Variants in STK32C observed in about 807,000 individuals in gnomAD.
STK32C encodes the protein serine/threonine kinase 32C.
A neutral mutation model predicts 56.5 loss-of-function variants in STK32C; 31 were observed. The observed-to-expected ratio is 0.55, with a 90% confidence interval of 0.41 to 0.74. The LOEUF (loss-of-function observed/expected upper bound fraction) is 0.74, where lower values mean the gene tolerates loss of function less well. Ranked by LOEUF, STK32C falls within the 30% of genes least tolerant of loss-of-function variation. The pLI is 0.00. For synonymous variants in STK32C, 309 were observed against 289.4 expected, an observed-to-expected ratio of 1.07 and a Z score of -0.69; for missense variants, 544 against 676.9, an observed-to-expected ratio of 0.80 and a Z score of 2.18.
At chr10:132,273,185 C>T (rs1016002876) in intron 1 of STK32C, among the ~76,000 whole-genome samples, 2 of 152,174 alleles carry the variant, frequency 1.3e-5, no homozygotes, top group Admixed American at 6.5e-5. Context: ...AGCCTTTCCA[C>T]TGCTTTGAAT....
intron 2 of STK32C, among the ~76,000 whole-genome samples, chr10:132,242,938 C>T (rs1286064880): frequency 6.6e-6 from 1 of 152,106 alleles, no homozygotes; most frequent in Admixed American, 6.5e-5. Flanking sequence ...AACCACAGAC[C>T]GGAAAGGTCA....
chr10:132,294,403 G>A (rs949415203), intron 1 of STK32C, among the ~76,000 whole-genome samples: 7 of 152,326 alleles, frequency 4.6e-5, no homozygotes, highest in East Asian at 1.9e-4. Context: ...CAGCTCCAGC[G>A]GGTTTTGGGA....
intron 1 of STK32C, among the ~76,000 whole-genome samples, chr10:132,273,798 G>A (rs562927102): frequency 2.0e-5 from 3 of 152,154 alleles, no homozygotes; most frequent in African/African-American, 4.8e-5. Context: ...AATGCATGGT[G>A]AGTGAATGAG....
At position 132,222,941 on chromosome 10, in the gene STK32C, C is replaced by T. The variant is rs779183067; in HGVS notation, c.1039G>A (p.Val347Met). 9.0e-6 allele frequency: 14 copies of T among 1,555,316 alleles called. No individual in the cohort carries two copies. The highest frequency in any genetic ancestry group is 5.9e-5 in the South Asian group (5 of 84,958). The change falls in exon 9 of 12, where the codon GTG becomes ATG. Residue 347 changes from valine to methionine, a missense_variant. Physicochemically the swap from Val to Met is conservative, Grantham distance 21. Around this residue, in one of 3 missense-constraint regions of STK32C, gnomAD observed 277 missense variants for 309.3 expected, o/e 0.90. Coordinates refer to ENST00000298630, the MANE Select transcript of STK32C (RefSeq NM_173575.4). ...CCGGCCAGCGCCGGGGCTGCCTGCACGTCCTGGAGGCTGGAGAGCCGGTGC... is the reference window on the plus strand; with the variant it reads ...CCGGCCAGCGCCGGGGCTGCCTGCATGTCCTGGAGGCTGGAGAGCCGGTGC... ...PEHRLSSLQD[V>M]QAAPALAGVL...
chr10:132,271,733 G>C (rs981809711), intron 1 of STK32C, among the ~76,000 whole-genome samples: 27 of 152,188 alleles, frequency 1.8e-4, no homozygotes, highest in Admixed American at 2.6e-4. Context: ...ACCCGTTCCT[G>C]ACCCCAGACT....
chr10:132,215,087 T>C (rs908339425), intron 10 of STK32C, among the ~76,000 whole-genome samples: 37 of 152,182 alleles, frequency 2.4e-4, no homozygotes, highest in African/African-American at 7.2e-4. Flanking sequence ...GGCATGATCA[T>C]AGCTTACTGC....
chr10:132,275,891 G>A (rs76364366), intron 1 of STK32C, among the ~76,000 whole-genome samples: 1,893 of 152,164 alleles, frequency 0.012, 42 homozygotes, highest in African/African-American at 0.044. Context: ...GGCCTGTGTC[G>A]GGCAGGAGAC....
chr10:132,240,106 C>A (rs2063449973), intron 2 of STK32C, among the ~76,000 whole-genome samples: 1 of 152,098 alleles, frequency 6.6e-6, no homozygotes, highest in African/African-American at 2.4e-5. Flanking sequence ...GAAGCCCCCC[C>A]AGGGCAGAGC....
chr10:132,285,092 C>T (rs545071630), intron 1 of STK32C, among the ~76,000 whole-genome samples: 56 of 145,314 alleles, frequency 3.9e-4, no homozygotes, highest in Middle Eastern at 3.9e-3. Flanking sequence ...GGCATGAACC[C>T]GGAACACATT....
intron 1 of STK32C, among the ~76,000 whole-genome samples, chr10:132,256,873 G>A (rs753264466): frequency 1.3e-5 from 2 of 152,224 alleles, no homozygotes; most frequent in African/African-American, 2.4e-5. Context: ...CTGACTCGGG[G>A]TGGGGCTTGG....
At chr10:132,304,579 C>T (rs1358705070) in intron 1 of STK32C, among the ~76,000 whole-genome samples, 2 of 152,222 alleles carry the variant, frequency 1.3e-5, no homozygotes, top group South Asian at 2.1e-4. Flanking sequence ...TGTTTCTCCA[C>T]GGCTGTACCT....
intron 1 of STK32C, among the ~76,000 whole-genome samples, chr10:132,251,538 A>AC (rs1442413696): frequency 6.6e-6 from 1 of 150,796 alleles, no homozygotes; most frequent in Admixed American, 6.6e-5. Flanking sequence ...CCATCTCTTT[A>AC]CCCCACCTCG....
chr10:132,212,983 C>T (rs559370837), intron 10 of STK32C, among the ~76,000 whole-genome samples: 5 of 152,330 alleles, frequency 3.3e-5, no homozygotes, highest in African/African-American at 4.8e-5. Flanking sequence ...CGGCCGGGGC[C>T]GTGTGCAGAA....
chr10:132,210,342 C>T (rs967985762), intron 10 of STK32C, among the ~76,000 whole-genome samples: 13 of 152,346 alleles, frequency 8.5e-5, no homozygotes, highest in African/African-American at 2.4e-4. Flanking sequence ...CTGCCAACTC[C>T]GCCTCCCAGG....
upstream of STK32C, among the ~76,000 whole-genome samples, chr10:132,310,819 G>A (rs1564798611): frequency 1.3e-5 from 2 of 152,208 alleles, no homozygotes; most frequent in Non-Finnish European, 2.9e-5. This position sits in a 1 kb window ranked among gnomAD's most constrained non-coding sequence, Gnocchi z 4.6. Flanking sequence ...CTTTAGCTTG[G>A]GTAGTCCAGC....
Position 132,234,756 on chromosome 10 carries a change from T to G in STK32C, c.319-6628A>C, listed in dbSNP as rs1165955749. ...CGAGCCTGTGGCTCTCATGAGCTGCTGGGGGGGCCTTGGGGGTTGGAGGTC... is the reference window on the plus strand; with the variant it reads ...CGAGCCTGTGGCTCTCATGAGCTGCGGGGGGGGCCTTGGGGGTTGGAGGTC... On this transcript the variant is annotated intron_variant, in intron 2 of 11. Transcript: ENST00000298630. Among the ~76,000 whole-genome samples the G allele has an allele frequency of 5.3e-5, 8 of 152,248 alleles. No homozygotes were observed. In the East Asian group the frequency reaches 1.5e-3, roughly 29 times the overall value.
intron 1 of STK32C, among the ~76,000 whole-genome samples, chr10:132,297,230 T>C (rs1341670598): frequency 1.3e-5 from 2 of 152,162 alleles, no homozygotes; most frequent in Non-Finnish European, 2.9e-5. Flanking sequence ...CCACACCCTC[T>C]GCAGGACATG....
At chr10:132,240,601 C>T (rs1265756520) in intron 2 of STK32C, among the ~76,000 whole-genome samples, 1 of 152,072 alleles carries the variant, frequency 6.6e-6, no homozygotes, top group Non-Finnish European at 1.5e-5. Flanking sequence ...GGCGGTTCCT[C>T]GGGGTGGGTG....
intron 1 of STK32C, among the ~76,000 whole-genome samples, chr10:132,298,084 A>G (rs1330414681): frequency 6.6e-6 from 1 of 152,068 alleles, no homozygotes; most frequent in East Asian, 1.9e-4. Context: ...AGGCAGCAGC[A>G]CCACTCCCTG....
Sources: gnomAD v4.1 joint callset for allele counts (sites outside exome capture counted in the v4.1 genomes callset) on GRCh38, gnomAD v4.1.1 for gene constraint, gnomAD v4.1.1 regional missense constraint, Gnocchi (gnomAD v3.1) non-coding constraint, MANE v1.5 for transcripts, NCBI Gene and HGNC (gene_info 2026-07-23, HGNC 2026-07-21) for gene names.